Variants in ZNF704 observed in about 807,000 individuals in gnomAD.
ZNF704 encodes the protein glucocorticoid induced gene 1.
In ZNF704, 10 loss-of-function variants were observed where a neutral mutation model predicts 44.7. The observed-to-expected ratio is 0.22, with a 90% CI of 0.14 to 0.38. The LOEUF is 0.38. Ranked by LOEUF, ZNF704 falls within the 10% of genes least tolerant of loss-of-function variation. ZNF704 has a pLI of 1.00. For missense variants in ZNF704, 390 were observed against 545.5 expected, an observed-to-expected ratio of 0.71 and a Z score of 2.84; for synonymous variants, 211 against 207.6, an observed-to-expected ratio of 1.02 and a Z score of -0.14.
intron 2 of ZNF704, among the ~76,000 whole-genome samples, chr8:80,816,256 T>G (rs1251051601): frequency 6.6e-6 from 1 of 152,216 alleles, no homozygotes; most frequent in African/African-American, 2.4e-5. Flanking sequence ...TCCACTGAGA[T>G]GAATGAAACC....
At chr8:80,797,000 G>C (rs112780018) in intron 2 of ZNF704, among the ~76,000 whole-genome samples, 30 of 148,176 alleles carry the variant, frequency 2.0e-4, no homozygotes, top group African/African-American at 5.6e-4. Context: ...AGGAAGGAAG[G>C]AAGCAAGCAA....
intron 2 of ZNF704, among the ~76,000 whole-genome samples, chr8:80,800,533 A>C (rs9650269): frequency 0.099 from 15,092 of 152,256 alleles, 1,039 homozygotes; most frequent in South Asian, 0.32. Flanking sequence ...AAAAATTTTC[A>C]ACCCAGAATG....
chr8:80,758,172 G>A (rs190130388), intron 2 of ZNF704, among the ~76,000 whole-genome samples: 13 of 152,278 alleles, frequency 8.5e-5, no homozygotes, highest in Admixed American at 8.5e-4. Flanking sequence ...AGTATAAAGG[G>A]CTTCCTTCAG....
Position 80,874,341 on chromosome 8 carries a change from C to T in ZNF704, c.-22+230G>A, listed in dbSNP as rs1809324333. 6.9e-6 allele frequency among the ~76,000 whole-genome samples: 1 copy of T among 145,598 alleles called. No individual in the cohort carries two copies. Among genetic ancestry groups the T allele is most frequent in the Non-Finnish European group, 1.5e-5 (1 of 65,562 alleles). On this transcript the variant is annotated intron_variant, in intron 1 of 8. Coordinates refer to ENST00000327835, the MANE Select transcript of ZNF704 (RefSeq NM_001033723.3). This position sits in a 1 kb window ranked among gnomAD's most constrained non-coding sequence, Gnocchi z 4.4. ...CCGCCTCCGCCGCCGCCGCCGCCGC[C>T]CGGGAGCCGCGGGCCGCGCTGCGCT...
At chr8:80,839,589 T>C (rs529457757) in intron 1 of ZNF704, among the ~76,000 whole-genome samples, 11 of 152,378 alleles carry the variant, frequency 7.2e-5, no homozygotes, top group South Asian at 6.2e-4. Flanking sequence ...CGTAATTCTT[T>C]ATAATACAGG....
intron 2 of ZNF704, among the ~76,000 whole-genome samples, chr8:80,803,063 C>A (rs1807928672): frequency 6.6e-6 from 1 of 151,936 alleles, no homozygotes; most frequent in Non-Finnish European, 1.5e-5. Flanking sequence ...AAGCAGAGAG[C>A]CAAATCATGA....
chr8:80,650,514 C>T (rs921082802), intron 7 of ZNF704, among the ~76,000 whole-genome samples: 4 of 152,144 alleles, frequency 2.6e-5, no homozygotes, highest in African/African-American at 4.8e-5. Flanking sequence ...AACTACGTGA[C>T]GAATGCACAA....
At chr8:80,837,825 T>C (rs1222321661) in intron 1 of ZNF704, among the ~76,000 whole-genome samples, 1 of 152,196 alleles carries the variant, frequency 6.6e-6, no homozygotes, top group African/African-American at 2.4e-5. Context: ...CCCATTCTAA[T>C]AGCTATGATG....
chr8:80,734,565 T>G (rs1397883109), intron 2 of ZNF704, among the ~76,000 whole-genome samples: 1 of 152,224 alleles, frequency 6.6e-6, no homozygotes, highest in African/African-American at 2.4e-5. Flanking sequence ...CCAGATGTGA[T>G]GCTGTCACTT....
intron 2 of ZNF704, among the ~76,000 whole-genome samples, chr8:80,702,215 G>C (rs1348753173): frequency 6.6e-6 from 1 of 152,168 alleles, no homozygotes; most frequent in African/African-American, 2.4e-5. Context: ...CATGCTTGTA[G>C]GTGTGGGGCT....
intron 7 of ZNF704, among the ~76,000 whole-genome samples, chr8:80,649,337 C>T (rs982123909): frequency 6.6e-6 from 1 of 152,152 alleles, no homozygotes; most frequent in Non-Finnish European, 1.5e-5. Flanking sequence ...GGGTGCAGCA[C>T]ACCGAGTGTG....
chr8:80,729,148 G>C (rs1412777467), intron 2 of ZNF704, among the ~76,000 whole-genome samples: 1 of 152,130 alleles, frequency 6.6e-6, no homozygotes, highest in Non-Finnish European at 1.5e-5. Flanking sequence ...GAAAGAATGG[G>C]AAGAAAACAT....
At chr8:80,683,656 G>C (rs539642000) in intron 4 of ZNF704, among the ~76,000 whole-genome samples, 1 of 152,226 alleles carries the variant, frequency 6.6e-6, no homozygotes, top group South Asian at 2.1e-4. Context: ...GGCACAATGG[G>C]GATAAGAATA....
chr8:80,648,679 G>A (rs1327386073), intron 7 of ZNF704, among the ~76,000 whole-genome samples: 1 of 152,196 alleles, frequency 6.6e-6, no homozygotes, highest in Non-Finnish European at 1.5e-5. Context: ...AGCAGCAGAA[G>A]TAATTTGCTG....
intron 2 of ZNF704, among the ~76,000 whole-genome samples, chr8:80,802,689 T>A (rs1291233251): frequency 6.6e-6 from 1 of 152,026 alleles, no homozygotes; most frequent in Non-Finnish European, 1.5e-5. Flanking sequence ...GGAACATACC[T>A]CAAAATAATA....
intron 2 of ZNF704, among the ~76,000 whole-genome samples, chr8:80,743,385 A>T (rs1165288038): frequency 6.6e-6 from 1 of 152,162 alleles, no homozygotes; most frequent in Non-Finnish European, 1.5e-5. Flanking sequence ...GTATGAACTT[A>T]GTGGGTAAAC....
At chr8:80,655,879 G>A (rs1249819334) in intron 7 of ZNF704, among the ~76,000 whole-genome samples, 1 of 152,146 alleles carries the variant, frequency 6.6e-6, no homozygotes, top group East Asian at 1.9e-4. Context: ...TTTCAGCTTT[G>A]GAGACCCTCC....
intron 4 of ZNF704, among the ~76,000 whole-genome samples, chr8:80,677,434 A>T (rs942521662): frequency 6.6e-6 from 1 of 152,214 alleles, no homozygotes; most frequent in African/African-American, 2.4e-5. Flanking sequence ...GGTAGATGAT[A>T]CATTTTGGAG....
chr8:80,645,213 C>A, intron 7 of ZNF704: 1 of 1,551,662 alleles, frequency 6.4e-7, no homozygotes, highest in Non-Finnish European at 8.7e-7. Flanking sequence ...CGCCGCCAAC[C>A]TCCCGGAAAA....
Sources: allele counts gnomAD v4.1 joint callset (sites outside exome capture counted in the v4.1 genomes callset), GRCh38; gene constraint gnomAD v4.1.1; non-coding constraint Gnocchi (gnomAD v3.1); transcripts MANE v1.5; gene names NCBI Gene and HGNC (gene_info 2026-07-23, HGNC 2026-07-21).